DHRSX: variants seen among roughly 807,000 people sequenced by gnomAD.
DHRSX encodes the protein polyprenol dehydrogenase.
In DHRSX, 31 loss-of-function variants were observed where a neutral mutation model predicts 34.0. That is an observed-to-expected ratio of 0.91 (90% CI 0.69 to 1.23). DHRSX has a LOEUF of 1.23. Among genes scored for constraint, DHRSX ranks in the 50% most tolerant of loss-of-function variants. The pLI, the probability that DHRSX is intolerant of heterozygous loss-of-function variation, is 0.00. For missense variants in DHRSX, 414 were observed against 428.1 expected, an observed-to-expected ratio of 0.97 and a Z score of 0.29; for synonymous variants, 201 against 183.8, an observed-to-expected ratio of 1.09 and a Z score of -0.76.
intron 5 of DHRSX, among the ~76,000 whole-genome samples, chrX:2,258,756 T>C (rs1475818288): frequency 6.6e-6 from 1 of 152,210 alleles, no homozygotes; most frequent in Admixed American, 6.5e-5. Flanking sequence ...AGGGGCCTAT[T>C]TGGAAAGAGT....
chrX:2,469,326 C>A (rs756251395), intron 1 of DHRSX, among the ~76,000 whole-genome samples: 1 of 148,686 alleles, frequency 6.7e-6, no homozygotes. Context: ...AAGGGACCGC[C>A]GCCATGTACA....
Position 2,271,812 on chromosome X carries a change from C to T in DHRSX, c.389-4865G>A, listed in dbSNP as rs1337614463. Among the ~76,000 whole-genome samples the T allele has an allele frequency of 5.3e-5, 8 of 152,198 alleles. No individual in the cohort carries two copies. In the South Asian group the frequency reaches 1.2e-3, roughly 24 times the overall value. On this transcript the variant is annotated intron_variant, in intron 4 of 6. Coordinates refer to ENST00000334651, the MANE Select transcript of DHRSX (RefSeq NM_145177.3). ...CTCCCAGCACTTTCAGAGGGCGAAGCGGGCAGATCAGTTCAGGTCAGGAGT... is the reference window on the plus strand; with the variant it reads ...CTCCCAGCACTTTCAGAGGGCGAAGTGGGCAGATCAGTTCAGGTCAGGAGT...
intron 1 of DHRSX, among the ~76,000 whole-genome samples, chrX:2,450,750 C>G (rs1280044005): frequency 6.6e-6 from 1 of 151,294 alleles, no homozygotes; most frequent in Non-Finnish European, 1.5e-5. Flanking sequence ...AAAAGCTTAA[C>G]TATTACTGTA....
intron 3 of DHRSX, among the ~76,000 whole-genome samples, chrX:2,294,655 ACT>A (rs1256207196): frequency 1.7e-5 from 2 of 120,066 alleles, no homozygotes; most frequent in East Asian, 2.1e-4. Flanking sequence ...ACAGAGCAAG[ACT>A]CTGTCTCAAA....
chrX:2,383,826 A>G lies in DHRSX; in HGVS notation c.286+24919T>C, dbSNP rs182518696. On this transcript the variant is annotated intron_variant, in intron 3 of 6. Coordinates refer to ENST00000334651, the MANE Select transcript of DHRSX (RefSeq NM_145177.3). ...TTACAGCATGCTATAAAAGCTGAGA[A>G]GACTAGCATGAAAGGGACTTGGATG... Among the ~76,000 whole-genome samples the G allele has an allele frequency of 8.0e-3, 1,222 of 152,322 alleles. 33 individuals are homozygous for G. The East Asian group carries it at 0.093, about 12-fold the overall frequency.
At chrX:2,364,675 A>G (rs1325730643) in intron 3 of DHRSX, among the ~76,000 whole-genome samples, 4 of 152,008 alleles carry the variant, frequency 2.6e-5, no homozygotes, top group African/African-American at 9.7e-5. Context: ...ATCATCTATC[A>G]TCTACTTATC....
At chrX:2,419,512 C>T (rs1316778942) in intron 2 of DHRSX, among the ~76,000 whole-genome samples, 8 of 152,150 alleles carry the variant, frequency 5.3e-5, no homozygotes, top group South Asian at 2.1e-4. Context: ...TAAAGACACA[C>T]GCACACGTAT....
chrX:2,402,386 G>T (rs2043497109), intron 3 of DHRSX, among the ~76,000 whole-genome samples: 2 of 152,210 alleles, frequency 1.3e-5, no homozygotes, highest in African/African-American at 4.8e-5. Context: ...CGGGTTTGGT[G>T]GAGGTGTGCC....
intron 6 of DHRSX, among the ~76,000 whole-genome samples, chrX:2,228,696 T>C (rs1246328652): frequency 1.3e-5 from 2 of 151,966 alleles, no homozygotes; most frequent in Non-Finnish European, 2.9e-5. Context: ...GAATTTGAAA[T>C]AGCAAATCCC....
intron 1 of DHRSX, among the ~76,000 whole-genome samples, chrX:2,455,395 G>A (rs2044281981): frequency 6.6e-6 from 1 of 151,562 alleles, no homozygotes; most frequent in East Asian, 1.9e-4. Context: ...AAACCCCCAG[G>A]ACATGCAATT....
At chrX:2,386,410 G>A (rs186749902) in intron 3 of DHRSX, among the ~76,000 whole-genome samples, 161 of 152,108 alleles carry the variant, frequency 1.1e-3, no homozygotes, top group African/African-American at 3.7e-3. Context: ...GTAGAGACAG[G>A]GTTTTACCAT....
intron 1 of DHRSX, among the ~76,000 whole-genome samples, chrX:2,473,449 A>C (rs1242408920): frequency 6.6e-6 from 1 of 151,810 alleles, no homozygotes; most frequent in African/African-American, 2.4e-5. Context: ...CATGAAGAAA[A>C]CCCATCTCTA....
At chrX:2,310,657 G>A (rs999854738) in intron 3 of DHRSX, among the ~76,000 whole-genome samples, 1 of 151,794 alleles carries the variant, frequency 6.6e-6, no homozygotes. Context: ...AAGAGAGGGT[G>A]AGAATGGGAG....
At chrX:2,236,608 T>C (rs1413642001) in intron 6 of DHRSX, among the ~76,000 whole-genome samples, 1 of 151,970 alleles carries the variant, frequency 6.6e-6, no homozygotes, top group Non-Finnish European at 1.5e-5. Context: ...ATTTCTGTAT[T>C]TTTAGTAGAG....
chrX:2,283,933 CATT>C (rs2041768020), intron 4 of DHRSX, among the ~76,000 whole-genome samples: 5 of 149,388 alleles, frequency 3.3e-5, no homozygotes, highest in African/African-American at 1.2e-4. Context: ...TGAATTCACT[CATT>C]CCTTTGAATT....
intron 6 of DHRSX, among the ~76,000 whole-genome samples, chrX:2,238,058 G>A (rs947283528): frequency 6.6e-6 from 1 of 152,004 alleles, no homozygotes; most frequent in African/African-American, 2.4e-5. Flanking sequence ...TTGTATACAG[G>A]ACAAATCAAA....
chrX:2,311,474 A>G lies in DHRSX; in HGVS notation c.287-19871T>C, dbSNP rs771518902. On this transcript the variant is annotated intron_variant, in intron 3 of 6. Transcript: ENST00000334651. ...AAACTCTGTAAATATTGTTGTCAGAATGGTAAAGTGTTCAGATAATTAAAG... is the reference window on the plus strand; with the variant it reads ...AAACTCTGTAAATATTGTTGTCAGAGTGGTAAAGTGTTCAGATAATTAAAG... Among the ~76,000 whole-genome samples the G allele has an allele frequency of 2.0e-5, 3 of 152,298 alleles. No homozygotes were observed. In the East Asian group the frequency reaches 5.8e-4, roughly 29 times the overall value.
chrX:2,442,533 C>T (rs2044076656), intron 1 of DHRSX, among the ~76,000 whole-genome samples: 1 of 151,852 alleles, frequency 6.6e-6, no homozygotes, highest in Non-Finnish European at 1.5e-5. Flanking sequence ...GTATGCAACA[C>T]ACTGGCCATC....
chrX:2,361,921 G>A (rs184581727), intron 3 of DHRSX, among the ~76,000 whole-genome samples: 4 of 152,212 alleles, frequency 2.6e-5, no homozygotes, highest in East Asian at 1.9e-4. Flanking sequence ...GTGTGGCTGC[G>A]TTTCTGTGGA....
Sources: gnomAD v4.1 joint callset for allele counts (sites outside exome capture counted in the v4.1 genomes callset) on GRCh38, gnomAD v4.1.1 for gene constraint, MANE v1.5 for transcripts, NCBI Gene and HGNC (gene_info 2026-07-23, HGNC 2026-07-21) for gene names.